Variants in SNX14 observed in about 807,000 individuals in gnomAD.
The protein encoded by SNX14 is sorting nexin 14, also known as sorting nexin-14.
Under a neutral mutation model 133.8 loss-of-function variants are expected in SNX14, and 93 were observed. The observed-to-expected ratio is 0.70, with a 90% CI of 0.59 to 0.83. SNX14 has a LOEUF of 0.83. Ranked by LOEUF, SNX14 falls within the 40% of genes least tolerant of loss-of-function variation. The pLI is 0.00. For synonymous variants in SNX14, 368 were observed against 365.6 expected (o/e 1.01, Z -0.07); for missense variants, 945 against 1,094.9 (o/e 0.86, Z 1.93).
At chr6:85,545,401 T>C (rs1238226568) in intron 12 of SNX14, among the ~76,000 whole-genome samples, 1 of 152,108 alleles carries the variant, frequency 6.6e-6, no homozygotes, top group Non-Finnish European at 1.5e-5. Context: ...AGAAACTATG[T>C]GCTGCTTACT....
Position 85,572,332 on chromosome 6 carries a change from C to T in SNX14, c.304G>A (p.Ala102Thr). The change falls in exon 3 of 29, where the codon GCT becomes ACT. Residue 102 changes from alanine (A) to threonine (T), a missense_variant. Ala to Thr is a moderately conservative substitution (Grantham distance 58, BLOSUM62 0). Coordinates refer to ENST00000314673, the MANE Select transcript of SNX14 (RefSeq NM_153816.6). ...QELFPQGHSCAVCGKVKCKRH... is the reference protein window; with the variant it reads ...QELFPQGHSCTVCGKVKCKRH... ...TTACATTTCACTTTACCACAAACAG[C>T]ACAGCTATGACCTTGAGGAAATAAT... 6.2e-7 allele frequency: 1 copy of T among 1,613,778 alleles called. No homozygotes were observed. The highest frequency in any genetic ancestry group is 2.2e-5 in the East Asian group (1 of 44,810).
At chr6:85,567,767 T>C (rs1351789658) in intron 4 of SNX14, 190 bp from the exon 5 acceptor site, 2 of 365,448 alleles carry the variant, frequency 5.5e-6, no homozygotes, top group African/African-American at 4.4e-5. Context: ...TGGATGGCTT[T>C]AGCTCACGAG....
Position 85,565,438 on chromosome 6 carries a change from C to T in SNX14, c.462-19G>A. 6.5e-7 allele frequency: 1 copy of T among 1,548,248 alleles called. No homozygotes were observed. The highest frequency in any genetic ancestry group is 2.3e-5 in the East Asian group (1 of 43,828). ...CACATCCCTTCAATAAGGAGAAAAA[C>T]AAATATTCAGAAGTTCAGAGAAATA... On this transcript the variant is annotated intron_variant, in intron 5 of 28. Coordinates refer to ENST00000314673, the MANE Select transcript of SNX14 (RefSeq NM_153816.6).
intron 6 of SNX14, among the ~76,000 whole-genome samples, chr6:85,562,561 T>A: frequency 6.6e-6 from 1 of 150,512 alleles, no homozygotes. Flanking sequence ...CTGCAATAAA[T>A]CTTTGAACAT....
intron 14 of SNX14, among the ~76,000 whole-genome samples, chr6:85,542,636 C>T (rs141166653): frequency 0.073 from 11,152 of 152,170 alleles, 533 homozygotes; most frequent in Admixed American, 0.097. Flanking sequence ...CCTTGTGATC[C>T]GCCCGCCTCG....
In SNX14 at chr6:85,510,533, C is replaced by T. The variant is rs892881560; in HGVS notation, c.2654-2474G>A. 2.6e-5 allele frequency among the ~76,000 whole-genome samples: 4 copies of T among 152,112 alleles called. No homozygotes were observed. The East Asian group carries it at 5.8e-4, about 22-fold the overall frequency. Reference sequence around the variant, plus strand: ...TTTGGTAACAGTCCTTTATCTGATACGTCTTTTGCAAATATTTTCTCCCAG... The same window carrying T: ...TTTGGTAACAGTCCTTTATCTGATATGTCTTTTGCAAATATTTTCTCCCAG... On this transcript the variant is annotated intron_variant, in intron 26 of 28. Transcript: ENST00000314673.
chr6:85,569,059 G>T (rs572292228), intron 4 of SNX14, among the ~76,000 whole-genome samples: 2 of 151,972 alleles, frequency 1.3e-5, no homozygotes, highest in East Asian at 3.9e-4. Flanking sequence ...TCCACCTCCA[G>T]GGTTTAAGCA....
At chr6:85,514,461 A>T in intron 24 of SNX14, 45 bp downstream of exon 24, 1 of 1,596,588 alleles carries the variant, frequency 6.3e-7, no homozygotes. Flanking sequence ...ATCACAGAAG[A>T]AGTAAGATGA....
intron 7 of SNX14, among the ~76,000 whole-genome samples, chr6:85,550,491 A>G (rs934129072): frequency 6.6e-6 from 1 of 152,002 alleles, no homozygotes; most frequent in Non-Finnish European, 1.5e-5. Context: ...ACTCAAAATT[A>G]TTATTATTAT....
rs1785868250 is a variant in SNX14 at position 85,547,118 on chromosome 6, T to C, written c.1102A>G (p.Thr368Ala). The change falls in exon 12 of 29, where the codon ACT becomes GCT. Residue 368 changes from threonine to alanine, a missense_variant. Physicochemically the swap from Thr to Ala is moderately conservative, Grantham distance 58. Around this residue, in one of 3 missense-constraint regions of SNX14, gnomAD observed 514 missense variants for 538.8 expected, o/e 0.95. Coordinates refer to ENST00000314673, the MANE Select transcript of SNX14 (RefSeq NM_153816.6). ...ATACACAGGTAAGCCTCACCCACAG[T>C]CAAACAAAACTGCAACACGTGCACT... Reference protein sequence around the residue: ...GAVHVLQFCLTVEEFNDRILR... With the variant: ...GAVHVLQFCLAVEEFNDRILR... The C allele has an allele frequency of 4.3e-6, 7 of 1,612,588 alleles. No homozygotes were observed. Among genetic ancestry groups the C allele is most frequent in the Non-Finnish European group, 5.9e-6 (7 of 1,179,360 alleles).
intron 23 of SNX14, among the ~76,000 whole-genome samples, chr6:85,514,976 T>A (rs754926090): frequency 5.9e-5 from 9 of 151,996 alleles, no homozygotes; most frequent in Non-Finnish European, 8.8e-5. Context: ...AAAACTAACA[T>A]GATTTAGGCC....
At chr6:85,583,622 A>G (rs1799734947) in intron 1 of SNX14, among the ~76,000 whole-genome samples, 1 of 152,070 alleles carries the variant, frequency 6.6e-6, no homozygotes, top group African/African-American at 2.4e-5. Context: ...CTAACAGTCA[A>G]ATCATGAGTG....
chr6:85,526,291 CA>C, intron 20 of SNX14, 54 bp from the exon 21 acceptor site: 1 of 1,051,800 alleles, frequency 9.5e-7, no homozygotes, highest in South Asian at 1.5e-5. Flanking sequence ...GAGGAGTAGT[CA>C]AAACTGTATT....
intron 1 of SNX14, among the ~76,000 whole-genome samples, chr6:85,580,199 A>G (rs937582497): frequency 1.3e-5 from 2 of 152,160 alleles, no homozygotes; most frequent in East Asian, 3.9e-4. Context: ...CCCTCATTCC[A>G]GGCCCTAGCT....
intron 26 of SNX14, among the ~76,000 whole-genome samples, chr6:85,512,843 G>A (rs1339672254): frequency 6.6e-6 from 1 of 152,240 alleles, no homozygotes; most frequent in East Asian, 1.9e-4. Context: ...CTTGCCGTAT[G>A]ACCTCACTCT....
intron 6 of SNX14, among the ~76,000 whole-genome samples, chr6:85,562,580 G>T: frequency 7.9e-6 from 1 of 127,170 alleles, no homozygotes; most frequent in African/African-American, 3.0e-5. Flanking sequence ...ATACTTTTTG[G>T]GCTTTTTTTT....
At chr6:85,545,974 C>A (rs139536629) in intron 12 of SNX14, among the ~76,000 whole-genome samples, 1 of 152,336 alleles carries the variant, frequency 6.6e-6, no homozygotes. Flanking sequence ...TGAGCCACTG[C>A]GCCTTGCCCA....
Position 85,593,835 on chromosome 6 carries a change from G to C in SNX14, c.-117C>G, listed in dbSNP as rs1012335457. The C allele has an allele frequency of 5.9e-6, 9 of 1,531,004 alleles. No individual in the cohort carries two copies. The African/African-American group carries it at 7.1e-5, about 12-fold the overall frequency. 94.8% of individuals were successfully genotyped at this position (1,531,004 alleles called of 1,614,324 possible). On this transcript the variant is annotated 5_prime_UTR_variant, in exon 1 of 29. Coordinates refer to ENST00000314673, the MANE Select transcript of SNX14 (RefSeq NM_153816.6). ...TTGGCGGCGCACACAGACGCCTACC[G>C]GCAGTTAGCCGCCGCAGGCTGAGGT...
intron 1 of SNX14, chr6:85,589,051 C>T (rs558083708): frequency 2.2e-4 from 80 of 358,820 alleles, no homozygotes; most frequent in African/African-American, 1.3e-3. Flanking sequence ...GACTTTTTGC[C>T]GTTTCATTTC....
Sources: allele counts gnomAD v4.1 joint callset (sites outside exome capture counted in the v4.1 genomes callset), GRCh38; gene constraint gnomAD v4.1.1; regional missense constraint gnomAD v4.1.1; transcripts MANE v1.5; gene names NCBI Gene and HGNC (gene_info 2026-07-23, HGNC 2026-07-21).